The following SHQ1 variants were observed in gnomAD, a reference collection of about 807,000 sequenced individuals.
SHQ1 encodes the protein protein SHQ1 homolog.
SHQ1 carries 49 observed loss-of-function variants against 53.8 expected under a neutral mutation model. The observed-to-expected ratio is 0.91, with a 90% CI of 0.72 to 1.16. The LOEUF is 1.16. Ranked by LOEUF, SHQ1 falls within the 50% of genes most tolerant of loss-of-function variation. The pLI is 0.00. For synonymous variants in SHQ1, 243 were observed against 251.0 expected, an observed-to-expected ratio of 0.97 and a Z score of 0.30; for missense variants, 738 against 683.1, an observed-to-expected ratio of 1.08 and a Z score of -0.90.
At chr3:72,842,016 T>G (rs1708191050) in intron 3 of SHQ1, among the ~76,000 whole-genome samples, 1 of 152,214 alleles carries the variant, frequency 6.6e-6, no homozygotes, top group Admixed American at 6.5e-5. Context: ...ATACTTCTGA[T>G]CTTAGCTCAA....
At chr3:72,826,356 T>TA (rs1419657457) in intron 5 of SHQ1, among the ~76,000 whole-genome samples, 2 of 152,244 alleles carry the variant, frequency 1.3e-5, no homozygotes, top group African/African-American at 4.8e-5. Context: ...AGTTCTACTA[T>TA]AAACTCATCC....
At chr3:72,745,760 G>A (rs1395227524), downstream of SHQ1, among the ~76,000 whole-genome samples, 2 of 152,042 alleles carry the variant, frequency 1.3e-5, no homozygotes, top group African/African-American at 4.8e-5. Flanking sequence ...CCTAGCACTG[G>A]AAGGCCAGCA....
At chr3:72,738,211 G>A in the SHQ1 span, among the ~76,000 whole-genome samples, 3 of 152,140 alleles carry the variant, frequency 2.0e-5, no homozygotes, top group Non-Finnish European at 2.9e-5. Context: ...TGCACCCTGT[G>A]CCCAACCTGG....
intron 8 of SHQ1, among the ~76,000 whole-genome samples, 190 bp downstream of exon 8, chr3:72,815,160 C>T (rs1707271440): frequency 6.6e-6 from 1 of 152,184 alleles, no homozygotes; most frequent in Middle Eastern, 3.4e-3. Flanking sequence ...GTTTCCCTCC[C>T]CCAGCTTCCA....
chr3:72,798,423 A>C (rs574576555), intron 9 of SHQ1, among the ~76,000 whole-genome samples: 3 of 152,380 alleles, frequency 2.0e-5, no homozygotes, highest in Admixed American at 2.0e-4. Context: ...GACAAGTGCC[A>C]TGAATGTTTT....
chr3:72,735,426 A>T, the SHQ1 span, among the ~76,000 whole-genome samples: 1 of 141,750 alleles, frequency 7.1e-6, no homozygotes, highest in African/African-American at 2.6e-5. Context: ...GTAGTGGCCC[A>T]GACTGGGACT....
In SHQ1 at chr3:72,848,435, C is replaced by G. The variant is rs564180650; in HGVS notation, c.-95G>C. ...CCAACTCCCCACGCGCAGGAACTCT[C>G]GGTGTGAGGGACGGAGCTTCCGGCT... On this transcript the variant is annotated 5_prime_UTR_variant, in exon 1 of 11. Coordinates refer to ENST00000325599, the MANE Select transcript of SHQ1 (RefSeq NM_018130.3). 3.9e-6 allele frequency: 6 copies of G among 1,541,794 alleles called. No individual in the cohort carries two copies. The Admixed American group carries it at 6.1e-5, about 16-fold the overall frequency.
the SHQ1 span, among the ~76,000 whole-genome samples, chr3:72,728,237 C>G: frequency 6.6e-6 from 1 of 152,184 alleles, no homozygotes; most frequent in Non-Finnish European, 1.5e-5. Context: ...CAAGGCGGTG[C>G]TTTTGTGCAA....
At chr3:72,770,394 T>G (rs982579208) in intron 10 of SHQ1, among the ~76,000 whole-genome samples, 1 of 152,176 alleles carries the variant, frequency 6.6e-6, no homozygotes, top group African/African-American at 2.4e-5. Flanking sequence ...AGGGGACAGC[T>G]TTCTGACCTC....
intron 10 of SHQ1, among the ~76,000 whole-genome samples, chr3:72,775,517 A>G (rs1231104025): frequency 6.6e-6 from 1 of 150,456 alleles, no homozygotes; most frequent in East Asian, 1.9e-4. Flanking sequence ...TATCATTTCA[A>G]TATTACGTGC....
intron 3 of SHQ1, 59 bp downstream of exon 3, chr3:72,842,221 A>T (rs1473709544): frequency 1.3e-6 from 2 of 1,579,764 alleles, no homozygotes; most frequent in Non-Finnish European, 1.7e-6. Flanking sequence ...CCCTACAAAT[A>T]CACAGCATTC....
intron 1 of SHQ1, chr3:72,846,275 CT>C: frequency 6.5e-7 from 1 of 1,534,568 alleles, no homozygotes; most frequent in Non-Finnish European, 8.7e-7. Flanking sequence ...TTTATTCATC[CT>C]TGGTATAGCA....
intron 4 of SHQ1, among the ~76,000 whole-genome samples, chr3:72,840,676 A>G (rs948405631): frequency 7.9e-5 from 12 of 152,232 alleles, no homozygotes; most frequent in Non-Finnish European, 1.6e-4. Context: ...TCATTTATAT[A>G]CAGAAAAGAA....
intron 10 of SHQ1, among the ~76,000 whole-genome samples, chr3:72,789,687 T>C (rs1379087828): frequency 6.6e-6 from 1 of 152,236 alleles, no homozygotes. Context: ...CAAACTGTGA[T>C]GGGTCCAGAC....
intron 10 of SHQ1, among the ~76,000 whole-genome samples, chr3:72,791,750 C>G (rs1161045489): frequency 1.3e-5 from 2 of 151,910 alleles, no homozygotes; most frequent in Non-Finnish European, 2.9e-5. Context: ...CAGGGTCTCA[C>G]TATGTTGCCC....
At chr3:72,797,963 G>C (rs1482661752) in intron 9 of SHQ1, among the ~76,000 whole-genome samples, 1 of 152,016 alleles carries the variant, frequency 6.6e-6, no homozygotes, top group Non-Finnish European at 1.5e-5. Flanking sequence ...TAGCAGCTAT[G>C]AGCAAAGGAA....
At chr3:72,818,971 A>C (rs1707397628) in intron 6 of SHQ1, among the ~76,000 whole-genome samples, 1 of 152,186 alleles carries the variant, frequency 6.6e-6, no homozygotes, top group African/African-American at 2.4e-5. Flanking sequence ...TCCAGGAAAG[A>C]ACACAGCCTC....
At chr3:72,816,042 CA>C (rs1707305613) in intron 7 of SHQ1, among the ~76,000 whole-genome samples, 1 of 151,918 alleles carries the variant, frequency 6.6e-6, no homozygotes, top group Admixed American at 6.5e-5. Flanking sequence ...CGAGTGAAAA[CA>C]AAAAGTATTT....
At chr3:72,770,970 A>G (rs1022836452) in intron 10 of SHQ1, among the ~76,000 whole-genome samples, 1 of 152,148 alleles carries the variant, frequency 6.6e-6, no homozygotes, top group South Asian at 2.1e-4. Flanking sequence ...ACATATAACA[A>G]TCTCCTGTAG....
Sources: allele counts gnomAD v4.1 joint callset (sites outside exome capture counted in the v4.1 genomes callset), GRCh38; gene constraint gnomAD v4.1.1; transcripts MANE v1.5; gene names NCBI Gene and HGNC (gene_info 2026-07-23, HGNC 2026-07-21).